JAK3: variants seen among roughly 807,000 people sequenced by gnomAD.
The protein encoded by JAK3 is tyrosine-protein kinase JAK3.
A neutral mutation model predicts 120.8 loss-of-function variants in JAK3; 88 were observed. The ratio of observed to expected loss-of-function variants is 0.73; its 90% confidence interval spans 0.61 to 0.87. The LOEUF (loss-of-function observed/expected upper bound fraction) is 0.87. Among genes scored for constraint, JAK3 ranks in the 40% least tolerant of loss-of-function variants. The probability of loss-of-function intolerance (pLI) is 0.00; values close to 1 mark genes in which losing one functional copy is unlikely to be tolerated. For missense variants in JAK3, 1,254 were observed against 1,501.4 expected, an observed-to-expected ratio of 0.84 and a Z score of 2.72; for synonymous variants, 592 against 628.6, an observed-to-expected ratio of 0.94 and a Z score of 0.87.
intron 9 of JAK3, 114 bp downstream of exon 9, chr19:17,840,116 T>A: frequency 1.3e-6 from 1 of 743,960 alleles, no homozygotes; most frequent in Non-Finnish European, 2.4e-6. Flanking sequence ...TCACCGGGGG[T>A]GTCTTTTCCC....
intron 23 of JAK3, among the ~76,000 whole-genome samples, chr19:17,829,550 G>A (rs577854104): frequency 4.6e-5 from 7 of 152,218 alleles, no homozygotes; most frequent in Admixed American, 4.6e-4. Flanking sequence ...TTGAGCCCAC[G>A]AGTTCAAGAC....
At chr19:17,840,620 G>A (rs1423019788) in intron 8 of JAK3, among the ~76,000 whole-genome samples, 7 of 151,892 alleles carry the variant, frequency 4.6e-5, no homozygotes, top group East Asian at 3.9e-4. Flanking sequence ...AAAAATAGCC[G>A]GGCGTGGTGG....
intron 1 of JAK3, 108 bp from the exon 2 acceptor site, chr19:17,844,538 C>T: frequency 1.1e-6 from 1 of 942,034 alleles, no homozygotes; most frequent in Non-Finnish European, 1.6e-6. Flanking sequence ...GTGGCTTATG[C>T]CTGTAATCAC....
At position 17,824,805 on chromosome 19, in the gene JAK3, A is replaced by T; in HGVS notation, c.*1938T>A. The T allele has an allele frequency of 5.2e-6, 1 of 192,432 alleles. No homozygotes were observed. Among genetic ancestry groups the T allele is most frequent in the Non-Finnish European group, 1.1e-5 (1 of 92,050 alleles). 11.9% of individuals were successfully genotyped at this position (192,432 alleles called of 1,614,324 possible). ...TCTTTTCCACTGAATTCCTTTATTC[A>T]GTCAACAAACATTTCCAGAGCCCCC... On this transcript the variant is annotated 3_prime_UTR_variant, in exon 24 of 24. Transcript: ENST00000458235.
chr19:17,835,879 GC>G, intron 14 of JAK3, 44 bp downstream of exon 14: 1 of 1,611,388 alleles, frequency 6.2e-7, no homozygotes, highest in Non-Finnish European at 8.5e-7. Context: ...CCCAGAGAAA[GC>G]CTTCCCTGGG....
intron 14 of JAK3, 40 bp from the exon 15 acceptor site, chr19:17,835,255 GATGA>G: frequency 6.2e-7 from 1 of 1,605,860 alleles, no homozygotes; most frequent in Admixed American, 1.7e-5. Flanking sequence ...GGGAGGGTTT[GATGA>G]ATGAAGAGTC....
intron 17 of JAK3, 126 bp from the exon 18 acceptor site, chr19:17,833,055 A>T (rs2094217403): frequency 1.3e-6 from 2 of 1,487,978 alleles, no homozygotes; most frequent in Admixed American, 2.0e-5. Flanking sequence ...GGGCCATTGC[A>T]AGCCAAAGGG....
intron 23 of JAK3, among the ~76,000 whole-genome samples, chr19:17,827,598 C>T (rs955811875): frequency 2.6e-5 from 4 of 151,564 alleles, no homozygotes; most frequent in South Asian, 2.1e-4. Flanking sequence ...CCACCCACCT[C>T]GGCCTCCTAA....
chr19:17,826,596 G>A lies in JAK3; in HGVS notation c.*147C>T, dbSNP rs200515613. ...GGCCACAGGCTATTCTACAGGCCAC[G>A]GGAGCCCCCCCAAATGCAATGTCAT... On this transcript the variant is annotated 3_prime_UTR_variant, in exon 24 of 24. Transcript: ENST00000458235. 4.6e-5 allele frequency: 40 copies of A among 875,962 alleles called. No individual in the cohort carries two copies. The highest frequency in any genetic ancestry group is 1.1e-4 in the South Asian group (8 of 74,858). 54.3% of individuals were successfully genotyped at this position (875,962 alleles called of 1,614,324 possible).
chr19:17,834,918 G>A lies in JAK3; in HGVS notation c.2133C>T (p.Phe711=), dbSNP rs200726812. 40 of 1,613,984 alleles carry A rather than the reference G, an allele frequency of 2.5e-5. No homozygotes were observed. Among genetic ancestry groups the A allele is most frequent in the Non-Finnish European group, 3.1e-5 (37 of 1,180,028 alleles). Reference sequence around the variant, plus strand: ...TAAACACTTCCCAGACCGTGGCGCCGAAGCCCCACTTGTCAGCTTCCAAGC... The same window carrying A: ...TAAACACTTCCCAGACCGTGGCGCCAAAGCCCCACTTGTCAGCTTCCAAGC... ...TLSLEADKWG[F]GATVWEVFSG... is the part of the protein sequence containing the mutation. The change falls in exon 16 of 24, where the codon TTC becomes TTT. Residue 711 remains phenylalanine (F), a synonymous_variant. Transcript: ENST00000458235.
chr19:17,838,396 G>A lies in JAK3; in HGVS notation c.1442-6C>T, dbSNP rs778907954. 6.2e-7 allele frequency: 1 copy of A among 1,614,130 alleles called. No individual in the cohort carries two copies. The stretch of plus-strand genomic sequence containing the variant: ...CACGATCAGGTTGGACTTTTCTATG[G>A]GGAGAGGATGAGGGAGAAAAACCAG... On this transcript the variant is annotated splice_region_variant and splice_polypyrimidine_tract_variant and intron_variant, in intron 10 of 23. Coordinates refer to ENST00000458235, the MANE Select transcript of JAK3 (RefSeq NM_000215.4).
At chr19:17,828,950 C>T (rs1218676302) in intron 23 of JAK3, among the ~76,000 whole-genome samples, 2 of 151,414 alleles carry the variant, frequency 1.3e-5, no homozygotes, top group Non-Finnish European at 2.9e-5. Flanking sequence ...ACCCCACGAG[C>T]TCAAGACCAG....
In JAK3 at chr19:17,841,837, A is replaced by C; in HGVS notation, c.862-75T>G. 6.3e-7 allele frequency: 1 copy of C among 1,587,564 alleles called. No homozygotes were observed. Among genetic ancestry groups the C allele is most frequent in the Non-Finnish European group, 8.5e-7 (1 of 1,172,846 alleles). ...AACCACGCCCATGAACCCACCCCCA[A>C]GCCACACCATCCACTCCCTATCCCT... On this transcript the variant is annotated intron_variant, in intron 6 of 23. Transcript: ENST00000458235. The surrounding 1 kb of genome is among the most constrained non-coding windows in gnomAD (Gnocchi z 4.1).
At chr19:17,838,185 T>C (rs1008103875) in intron 11 of JAK3, 78 bp downstream of exon 11, 18 of 1,612,018 alleles carry the variant, frequency 1.1e-5, no homozygotes, top group Non-Finnish European at 1.5e-5. Flanking sequence ...GGTAAAATTA[T>C]AGCATATGCC....
intron 23 of JAK3, among the ~76,000 whole-genome samples, chr19:17,828,628 A>G (rs2094208447): frequency 6.6e-6 from 1 of 152,024 alleles, no homozygotes; most frequent in Non-Finnish European, 1.5e-5. Context: ...GGCTCCAGTG[A>G]TCCTTCTGCC....
Position 17,831,447 on chromosome 19 carries a change from C to A in JAK3, c.2806-47G>T, listed in dbSNP as rs2094214369. ...GTGCAGAGAGGATCCCAGGATAATCCGGCAGGTACCCCAAGCGTGACCTGG... is the reference window on the plus strand; with the variant it reads ...GTGCAGAGAGGATCCCAGGATAATCAGGCAGGTACCCCAAGCGTGACCTGG... On this transcript the variant is annotated intron_variant, in intron 20 of 23. Transcript: ENST00000458235. This position sits in a 1 kb window ranked among gnomAD's most constrained non-coding sequence, Gnocchi z 5.1. 2.5e-6 allele frequency: 4 copies of A among 1,597,328 alleles called. No individual in the cohort carries two copies. Among genetic ancestry groups the A allele is most frequent in the Non-Finnish European group, 3.4e-6 (4 of 1,178,368 alleles).
rs2147696596 is a variant in JAK3 at position 17,842,253 on chromosome 19, T to C, written c.861+63A>G. The C allele has an allele frequency of 7.0e-7, 1 of 1,419,258 alleles. No individual in the cohort carries two copies. Among genetic ancestry groups the C allele is most frequent in the South Asian group, 1.4e-5 (1 of 69,972 alleles). The allele number at this position is 1,419,258 out of a possible 1,614,324, so 87.9% of individuals were successfully genotyped here. On this transcript the variant is annotated intron_variant, in intron 6 of 23. Transcript: ENST00000458235. The surrounding 1 kb of genome is among the most constrained non-coding windows in gnomAD (Gnocchi z 6.4). ...CTCCGCCCCACATCCCCTACCACTC[T>C]CCGGCCCCTCCCCGAGCCCCGCCCC...
In JAK3 at chr19:17,839,482, G is replaced by A. The variant is rs1346219310; in HGVS notation, c.1436C>T (p.Pro479Leu). Residue 479 changes from proline (P) to leucine (L), a missense_variant, in exon 10 of 24, where the codon CCC becomes CTC. By Grantham distance (98) the Pro-to-Leu change is moderately conservative (BLOSUM62 -3). Coordinates refer to ENST00000458235, the MANE Select transcript of JAK3 (RefSeq NM_000215.4). Reference sequence around the variant, plus strand: ...CAGGGGAGGAAGGGGCTCACCTTTGGGTCTGGGGATACAGCAGGAAGTGAG... The same window carrying A: ...CAGGGGAGGAAGGGGCTCACCTTTGAGTCTGGGGATACAGCAGGAAGTGAG... Reference protein sequence around the residue: ...VTLTSCCIPRPKEKSNLIVVQ... With the variant: ...VTLTSCCIPRLKEKSNLIVVQ... 1.9e-6 allele frequency: 3 copies of A among 1,580,594 alleles called. No homozygotes were observed. Among genetic ancestry groups the A allele is most frequent in the South Asian group, 1.2e-5 (1 of 86,536 alleles).
Position 17,831,108 on chromosome 19 carries a change from A to T in JAK3, c.2978+120T>A. On this transcript the variant is annotated intron_variant, in intron 21 of 23. Transcript: ENST00000458235. This position sits in a 1 kb window ranked among gnomAD's most constrained non-coding sequence, Gnocchi z 5.1. ...GGGGAGTGGGAGGGGCCAAAGCTGC[A>T]GCGGAGGAAGGGCGGGGCTAAGGCT... The T allele has an allele frequency of 1.0e-6, 1 of 995,684 alleles. No individual in the cohort carries two copies. The highest frequency in any genetic ancestry group is 2.6e-5 in the Admixed American group (1 of 38,212). 61.7% of individuals were successfully genotyped at this position (995,684 alleles called of 1,614,324 possible). A position where few individuals can be genotyped will look rare whatever the true frequency, so the allele number is the denominator to read the frequency against.
Sources: gnomAD v4.1 joint callset for allele counts (sites outside exome capture counted in the v4.1 genomes callset) on GRCh38, gnomAD v4.1.1 for gene constraint, Gnocchi (gnomAD v3.1) non-coding constraint, MANE v1.5 for transcripts, NCBI Gene and HGNC (gene_info 2026-07-23, HGNC 2026-07-21) for gene names.